PCDHA8: variants seen among roughly 807,000 people sequenced by gnomAD.
PCDHA8 encodes the protein protocadherin alpha 8, also known as protocadherin alpha-8.
Under a neutral mutation model 61.8 loss-of-function variants are expected in PCDHA8, and 53 were observed. The observed-to-expected ratio is 0.86, with a 90% CI of 0.69 to 1.08. The LOEUF is 1.08. Among genes scored for constraint, PCDHA8 ranks in the 50% least tolerant of loss-of-function variants. The probability of loss-of-function intolerance (pLI) is 0.00; values close to 1 mark genes in which losing one functional copy is unlikely to be tolerated. For synonymous variants in PCDHA8, 618 were observed against 556.6 expected (o/e 1.11, Z -1.55); for missense variants, 1,293 against 1,245.0 (o/e 1.04, Z -0.58).
At chr5:140,872,545 TGAACCCAGGGGTTCAG>T (rs1372003067) in intron 1 of PCDHA8, among the ~76,000 whole-genome samples, 1 of 152,158 alleles carries the variant, frequency 6.6e-6, no homozygotes, top group Non-Finnish European at 1.5e-5. Flanking sequence ...GAGGATCCCC[TGAACCCAGGGGTTCAG>T]GGCTGCAGTG....
At chr5:140,884,296 ACAGG>A in intron 1 of PCDHA8, 1 of 1,613,674 alleles carries the variant, frequency 6.2e-7, no homozygotes, top group Non-Finnish European at 8.5e-7. Flanking sequence ...GCCAAGCGCC[ACAGG>A]CTTCGTCGAG....
At chr5:140,914,564 A>AT (rs532022159) in intron 1 of PCDHA8, among the ~76,000 whole-genome samples, 1 of 152,026 alleles carries the variant, frequency 6.6e-6, no homozygotes, top group Non-Finnish European at 1.5e-5. Context: ...AGTTTAGTCC[A>AT]TTTACATTCA....
At chr5:140,967,754 T>G (rs782221420) in intron 1 of PCDHA8, 16 of 1,614,164 alleles carry the variant, frequency 9.9e-6, no homozygotes, top group South Asian at 7.7e-5. Flanking sequence ...GGAAGCCTCC[T>G]CCTACCAGAT....
chr5:140,850,772 C>A lies in PCDHA8; in HGVS notation c.2394+7057C>A, dbSNP rs2041813098. 4.4e-6 allele frequency: 7 copies of A among 1,598,004 alleles called. 1 individual carries two copies. Among genetic ancestry groups the A allele is most frequent in the Non-Finnish European group, 6.0e-6 (7 of 1,167,724 alleles). Reference sequence around the variant, plus strand: ...CGCAGCAGAGGAGGCAGAGGGTGTGCTCTGGCGAGGGTAAGCAGAAGACCG... The same window carrying A: ...CGCAGCAGAGGAGGCAGAGGGTGTGATCTGGCGAGGGTAAGCAGAAGACCG... On this transcript the variant is annotated intron_variant, in intron 1 of 3. Transcript: ENST00000531613.
Position 140,884,301 on chromosome 5 carries a change from C to T in PCDHA8, c.2394+40586C>T, listed in dbSNP as rs375535055. On this transcript the variant is annotated intron_variant, in intron 1 of 3. Transcript: ENST00000531613. ...GTGGAGAGCGGCCAAGCGCCACAGG[C>T]TTCGTCGAGGGCGTCGGCAGGCGCT... 4.3e-6 allele frequency: 7 copies of T among 1,613,608 alleles called. No homozygotes were observed. The African/African-American group carries it at 8.0e-5, about 18-fold the overall frequency.
chr5:140,843,522 C>A lies in PCDHA8; in HGVS notation c.2201C>A (p.Ala734Glu), dbSNP rs1554140167. 1.9e-6 allele frequency: 3 copies of A among 1,595,678 alleles called. No individual in the cohort carries two copies. In the South Asian group the frequency reaches 3.3e-5, roughly 18 times the overall value. Residue 734 changes from alanine (A) to glutamate (E), a missense_variant, in exon 1 of 4, where the codon GCG (alanine) becomes GAG (glutamate). Ala to Glu is a moderately radical substitution (Grantham distance 107). Transcript: ENST00000531613. ...CTGCCCACTGAGGGCGGGTGCCGGGCGGGCAAGCCCACTCTGGTGTGCTCC... is the reference window on the plus strand; with the variant it reads ...CTGCCCACTGAGGGCGGGTGCCGGGAGGGCAAGCCCACTCTGGTGTGCTCC... Reference protein sequence around the residue: ...SALPTEGGCRAGKPTLVCSSA... With the variant: ...SALPTEGGCREGKPTLVCSSA...
intron 1 of PCDHA8, among the ~76,000 whole-genome samples, chr5:140,950,272 CT>C (rs373882606): frequency 7.9e-5 from 12 of 151,950 alleles, no homozygotes; most frequent in African/African-American, 2.9e-4. Flanking sequence ...TCCATAATGT[CT>C]TTTTGCTTCA....
intron 1 of PCDHA8, chr5:140,928,827 A>G (rs1554206364): frequency 6.2e-7 from 1 of 1,614,130 alleles, no homozygotes. Flanking sequence ...GAGACCCACC[A>G]CTTTCCTCCT....
At chr5:140,969,593 T>C (rs2153780223) in intron 1 of PCDHA8, 1 of 829,524 alleles carries the variant, frequency 1.2e-6, no homozygotes, top group Non-Finnish European at 1.8e-6. Context: ...AGTCTTAATA[T>C]TTAATGCTAA....
At chr5:140,857,326 G>A in intron 1 of PCDHA8, 4 of 1,598,700 alleles carry the variant, frequency 2.5e-6, no homozygotes, top group Non-Finnish European at 1.7e-6. Flanking sequence ...TGGTGACCGC[G>A]CGGGACGGGG....
rs2150312229 is a variant in PCDHA8 at position 140,841,232 on chromosome 5, T to C, written c.-90T>C. 327 of 1,468,172 alleles carry C rather than the reference T, an allele frequency of 2.2e-4. 4 individuals are homozygous for C. Among genetic ancestry groups the C allele is most frequent in the Non-Finnish European group, 2.9e-4 (317 of 1,091,800 alleles). 90.9% of individuals were successfully genotyped at this position (1,468,172 alleles called of 1,614,324 possible). Reference sequence around the variant, plus strand: ...TCTCTAAAGGCCGAACAACGGGAGATGCAGCGGAATTGGATTAAAAGACTC... The same window carrying C: ...TCTCTAAAGGCCGAACAACGGGAGACGCAGCGGAATTGGATTAAAAGACTC... On this transcript the variant is annotated 5_prime_UTR_variant, in exon 1 of 4. An upstream start codon of the reference 5' UTR is lost. Coordinates refer to ENST00000531613, the MANE Select transcript of PCDHA8 (RefSeq NM_018911.3).
At chr5:140,912,810 A>G (rs887666910) in intron 1 of PCDHA8, among the ~76,000 whole-genome samples, 16 of 152,202 alleles carry the variant, frequency 1.1e-4, no homozygotes, top group African/African-American at 3.6e-4. Flanking sequence ...GGTTTTTATC[A>G]TAAAGGGATT....
chr5:140,850,958 A>C (rs2150503998), intron 1 of PCDHA8: 1 of 1,481,832 alleles, frequency 6.7e-7, no homozygotes, highest in Admixed American at 2.4e-5. Context: ...GATTACTCCC[A>C]GGGGCCGTTC....
At chr5:140,853,065 G>A in intron 1 of PCDHA8, 1 of 280,750 alleles carries the variant, frequency 3.6e-6, no homozygotes, top group Non-Finnish European at 5.5e-6. Context: ...ATTTTTAGTA[G>A]AGATGGGGTT....
In PCDHA8 at chr5:141,010,099, G is replaced by T; in HGVS notation, c.*162G>T. 5 of 1,612,768 alleles carry T rather than the reference G, an allele frequency of 3.1e-6. No individual in the cohort carries two copies. The highest frequency in any genetic ancestry group is 4.2e-6 in the Non-Finnish European group (5 of 1,179,316). On this transcript the variant is annotated 3_prime_UTR_variant, in exon 4 of 4. Coordinates refer to ENST00000531613, the MANE Select transcript of PCDHA8 (RefSeq NM_018911.3). ...GTGTCTGTCTAGAACGCATTTAACA[G>T]GTTTTGTCGTAAAAGCTTTACTAAG...
chr5:140,968,818 T>A, intron 1 of PCDHA8: 1 of 1,614,188 alleles, frequency 6.2e-7, no homozygotes, highest in South Asian at 1.1e-5. Context: ...TGGATAGGGT[T>A]TCCAAAATCC....
intron 1 of PCDHA8, among the ~76,000 whole-genome samples, chr5:140,885,351 G>T (rs2060569192): frequency 1.3e-5 from 2 of 152,052 alleles, no homozygotes; most frequent in Admixed American, 6.5e-5. Context: ...TTTCCAAAAG[G>T]TACTGGTGAC....
Position 140,857,796 on chromosome 5 carries a change from C to T in PCDHA8, c.2394+14081C>T, listed in dbSNP as rs1554150678. 15 of 1,597,494 alleles carry T rather than the reference C, an allele frequency of 9.4e-6. 2 individuals are homozygous for T. The highest frequency in any genetic ancestry group is 1.7e-5 in the Admixed American group (1 of 59,248). ...GCAGTCAGTGAGCTGGTGCTGCGGT[C>T]GGTGGTTGCGGGTCACGTGGTGGCT... is the stretch of plus-strand genomic sequence containing the variant. On this transcript the variant is annotated intron_variant, in intron 1 of 3. Transcript: ENST00000531613.
chr5:140,972,411 G>A (rs1258321444), intron 1 of PCDHA8, among the ~76,000 whole-genome samples: 1 of 151,680 alleles, frequency 6.6e-6, no homozygotes, highest in Non-Finnish European at 1.5e-5. Flanking sequence ...GGCAAACCCT[G>A]TTAAGATCTT....
Sources: allele counts gnomAD v4.1 joint callset (sites outside exome capture counted in the v4.1 genomes callset), GRCh38; gene constraint gnomAD v4.1.1; transcripts MANE v1.5; gene names NCBI Gene and HGNC (gene_info 2026-07-23, HGNC 2026-07-21).